PPP1R1C: variants seen among roughly 807,000 people sequenced by gnomAD.
PPP1R1C encodes protein phosphatase 1 regulatory subunit 1C.
In PPP1R1C, 15 loss-of-function variants were observed where a neutral mutation model predicts 17.4. The ratio of observed to expected loss-of-function variants is 0.86; its 90% CI spans 0.58 to 1.33. PPP1R1C has a LOEUF of 1.33. PPP1R1C is among the 40% of genes most tolerant of loss of function. PPP1R1C has a pLI of 0.00. For synonymous variants in PPP1R1C, 35 were observed against 43.1 expected, an observed-to-expected ratio of 0.81 and a Z score of 0.73; for missense variants, 143 against 130.0, an observed-to-expected ratio of 1.10 and a Z score of -0.48.
intron 4 of PPP1R1C, among the ~76,000 whole-genome samples, chr2:182,097,811 C>T (rs1688986559): frequency 6.6e-6 from 1 of 152,120 alleles, no homozygotes; most frequent in Non-Finnish European, 1.5e-5. Flanking sequence ...AATCATTGCA[C>T]ACAGGTGTAC....
intron 2 of PPP1R1C, among the ~76,000 whole-genome samples, chr2:182,021,461 G>A (rs766676214): frequency 5.3e-4 from 81 of 151,538 alleles, no homozygotes; most frequent in Non-Finnish European, 1.0e-3. Context: ...CCGAGTAGCT[G>A]GGACTACAGG....
Position 181,961,396 on chromosome 2 carries a change from T to C in PPP1R1C, n.111+6762T>C, listed in dbSNP as rs1684791760. On this transcript the variant is annotated intron_variant and non_coding_transcript_variant, in intron 1 of 5. Coordinates refer to the PPP1R1C transcript ENST00000464264. The surrounding 1 kb of genome is among the most constrained non-coding windows in gnomAD (Gnocchi z 5.8). ...CTTGATGTTCAGCAGAGCCTCGTAC[T>C]CCCCGATCTGGTGCTGTCCCTCTGC... is the stretch of plus-strand genomic sequence containing the variant. 5 of 722,056 alleles carry C rather than the reference T, an allele frequency of 6.9e-6. No homozygotes were observed. Among genetic ancestry groups the C allele is most frequent in the Non-Finnish European group, 1.2e-5 (5 of 401,842 alleles). The allele number at this position is 722,056 out of a possible 1,614,324, so 44.7% of individuals were successfully genotyped here.
chr2:181,968,976 CAAAT>C (rs1684955853), intron 1 of PPP1R1C, among the ~76,000 whole-genome samples: 1 of 151,972 alleles, frequency 6.6e-6, no homozygotes, highest in Admixed American at 6.5e-5. Context: ...AAAGAGAAAA[CAAAT>C]AAAATCTGTA....
chr2:182,034,441 G>GAAGA (rs1686938423), intron 2 of PPP1R1C, among the ~76,000 whole-genome samples: 1 of 152,060 alleles, frequency 6.6e-6, no homozygotes, highest in East Asian at 1.9e-4. Context: ...CAAAAGCCCT[G>GAAGA]AGGTGGGAAG....
intron 2 of PPP1R1C, among the ~76,000 whole-genome samples, chr2:182,019,544 A>G (rs551155725): frequency 6.6e-6 from 1 of 152,350 alleles, no homozygotes; most frequent in Admixed American, 6.5e-5. Context: ...AACCCTTTAG[A>G]AGCGTCCCAA....
chr2:181,991,957 A>G (rs530673538), intron 2 of PPP1R1C, among the ~76,000 whole-genome samples: 9 of 152,204 alleles, frequency 5.9e-5, no homozygotes, highest in Non-Finnish European at 1.3e-4. Flanking sequence ...AATTTATTCC[A>G]TCACATCTAT....
chr2:182,035,220 A>C (rs556043230), intron 2 of PPP1R1C, among the ~76,000 whole-genome samples: 2 of 152,324 alleles, frequency 1.3e-5, no homozygotes, highest in South Asian at 4.1e-4. Context: ...TTCACAGTGA[A>C]AGTTTATAGC....
At chr2:182,022,732 T>A (rs916438781) in intron 2 of PPP1R1C, among the ~76,000 whole-genome samples, 1 of 152,166 alleles carries the variant, frequency 6.6e-6, no homozygotes, top group Non-Finnish European at 1.5e-5. Flanking sequence ...TGAGAGACCA[T>A]TAGAAATCAT....
At chr2:182,045,787 A>T (rs1219805827) in intron 2 of PPP1R1C, among the ~76,000 whole-genome samples, 8 of 152,270 alleles carry the variant, frequency 5.3e-5, no homozygotes, top group African/African-American at 1.9e-4. Flanking sequence ...TCCATGCAAG[A>T]TATAAAATAG....
chr2:182,033,771 A>C (rs1159161395), intron 2 of PPP1R1C, among the ~76,000 whole-genome samples: 1 of 152,220 alleles, frequency 6.6e-6, no homozygotes. Context: ...AGAAGTGCAG[A>C]AAAAGTTCCA....
chr2:181,968,511 C>T (rs1253721457), intron 1 of PPP1R1C, among the ~76,000 whole-genome samples: 2 of 152,022 alleles, frequency 1.3e-5, no homozygotes, highest in Non-Finnish European at 2.9e-5. Flanking sequence ...AGTATAGTTA[C>T]TCCTGTTCTA....
intron 2 of PPP1R1C, among the ~76,000 whole-genome samples, chr2:181,994,017 G>GAA (rs201636871): frequency 7.5e-6 from 1 of 133,904 alleles, no homozygotes; most frequent in Non-Finnish European, 1.7e-5. Flanking sequence ...TAGTGGGTAA[G>GAA]AAAAAAAAAA....
intron 4 of PPP1R1C, among the ~76,000 whole-genome samples, chr2:182,083,175 T>C (rs1688531351): frequency 6.6e-6 from 1 of 152,224 alleles, no homozygotes; most frequent in Admixed American, 6.5e-5. Flanking sequence ...ATACTTTCAA[T>C]TGTGTACAAG....
intron 2 of PPP1R1C, among the ~76,000 whole-genome samples, chr2:182,008,084 T>TA (rs1254951299): frequency 0.028 from 732 of 25,738 alleles, 7 homozygotes; most frequent in African/African-American, 0.041. Flanking sequence ...AACAAACAAA[T>TA]AAATAAAAAA....
At chr2:182,131,263 T>A (rs1690001796), downstream of PPP1R1C, 1 of 152,094 alleles carries the variant, frequency 6.6e-6, no homozygotes, top group South Asian at 2.1e-4. Flanking sequence ...TATATACACA[T>A]GTATGTGTAT....
chr2:182,127,929 C>T (rs924765401), intron 5 of PPP1R1C, among the ~76,000 whole-genome samples: 1 of 151,970 alleles, frequency 6.6e-6, no homozygotes. Flanking sequence ...ATTCTGTAGA[C>T]ATTTTTGCCA....
chr2:182,049,810 T>G (rs1687456298), intron 2 of PPP1R1C, among the ~76,000 whole-genome samples: 1 of 152,210 alleles, frequency 6.6e-6, no homozygotes, highest in Non-Finnish European at 1.5e-5. Context: ...TTACGTTCTG[T>G]TTTCAAGAGA....
intron 4 of PPP1R1C, among the ~76,000 whole-genome samples, chr2:182,094,640 A>AC (rs1688878776): frequency 6.6e-6 from 1 of 152,206 alleles, no homozygotes; most frequent in Non-Finnish European, 1.5e-5. Flanking sequence ...GTCTAGAGTG[A>AC]ACTGTGTTGT....
chr2:182,109,585 C>T (rs556238232), intron 4 of PPP1R1C, among the ~76,000 whole-genome samples: 2 of 152,102 alleles, frequency 1.3e-5, no homozygotes, highest in East Asian at 3.9e-4. Context: ...GTTCAAGTTC[C>T]CGTTTGTTGG....
Sources: allele counts gnomAD v4.1 joint callset (sites outside exome capture counted in the v4.1 genomes callset), GRCh38; gene constraint gnomAD v4.1.1; non-coding constraint Gnocchi (gnomAD v3.1); transcripts MANE v1.5; gene names NCBI Gene and HGNC (gene_info 2026-07-23, HGNC 2026-07-21).